The following LUZP2 variants were observed in gnomAD, a reference collection of about 807,000 sequenced individuals.
LUZP2 encodes the protein leucine zipper protein 2.
LUZP2 carries 52 observed loss-of-function variants against 51.6 expected under a neutral mutation model. The observed-to-expected ratio is 1.01, with a 90% confidence interval of 0.81 to 1.27. The LOEUF (loss-of-function observed/expected upper bound fraction) is 1.27. Among genes scored for constraint, LUZP2 ranks in the 50% most tolerant of loss-of-function variants. The probability of loss-of-function intolerance (pLI) is 0.00; values close to 1 mark genes in which losing one functional copy is unlikely to be tolerated. For synonymous variants in LUZP2, 154 were observed against 137.3 expected (o/e 1.12, Z -0.85); for missense variants, 436 against 395.4 (o/e 1.10, Z -0.87).
intron 9 of LUZP2, among the ~76,000 whole-genome samples, chr11:25,007,307 A>G (rs1369704485): frequency 1.3e-5 from 2 of 152,202 alleles, no homozygotes; most frequent in Non-Finnish European, 2.9e-5. Flanking sequence ...TAAAAGTTGT[A>G]AAACTATTAA....
rs1858739325 is a variant in LUZP2, at chr11:24,732,195, CTT to C, written c.251+10_251+11del. The C allele has an allele frequency of 6.9e-6, 11 of 1,593,432 alleles. No individual in the cohort carries two copies. The highest frequency in any genetic ancestry group is 9.4e-6 in the Non-Finnish European group (11 of 1,169,380). On this transcript the variant is annotated splice_region_variant and intron_variant, in intron 3 of 11. Transcript: ENST00000336930. The stretch of plus-strand genomic sequence containing the variant: ...AATTAGGACAGAAACAAAGGTAAGA[CTT>C]TTCTTTTTTTCTTAGTTATTTCTGC...
intron 4 of LUZP2, among the ~76,000 whole-genome samples, chr11:24,761,748 A>T (rs527509939): frequency 6.6e-6 from 1 of 152,340 alleles, no homozygotes; most frequent in East Asian, 1.9e-4. Context: ...CAAATTCACT[A>T]GCTACAATAA....
At chr11:24,930,452 G>T (rs993479899) in intron 7 of LUZP2, among the ~76,000 whole-genome samples, 11 of 152,066 alleles carry the variant, frequency 7.2e-5, no homozygotes, top group Non-Finnish European at 1.6e-4. Flanking sequence ...AGTATTGTTT[G>T]TCTGAAAAAG....
chr11:25,025,480 G>A (rs2133981125), intron 9 of LUZP2, among the ~76,000 whole-genome samples: 1 of 152,174 alleles, frequency 6.6e-6, no homozygotes, highest in South Asian at 2.1e-4. Flanking sequence ...CAACAATTGG[G>A]CAAAGGATAT....
intron 1 of LUZP2, among the ~76,000 whole-genome samples, chr11:24,657,789 CAG>C (rs1855861028): frequency 6.6e-6 from 1 of 152,118 alleles, no homozygotes; most frequent in South Asian, 2.1e-4. Context: ...CATTAACAAA[CAG>C]AGAGCCAAAT....
intron 4 of LUZP2, among the ~76,000 whole-genome samples, chr11:24,750,246 T>C (rs989375406): frequency 6.6e-6 from 1 of 152,188 alleles, no homozygotes; most frequent in African/African-American, 2.4e-5. Flanking sequence ...TCTTAAAGAC[T>C]CCACAGAGAT....
chr11:24,844,160 A>G (rs959965545), intron 5 of LUZP2, among the ~76,000 whole-genome samples: 4 of 152,092 alleles, frequency 2.6e-5, no homozygotes, highest in African/African-American at 4.8e-5. Context: ...CTCCATATAG[A>G]CTTGTTGAAT....
intron 1 of LUZP2, among the ~76,000 whole-genome samples, chr11:24,699,697 A>G (rs1398181395): frequency 1.3e-5 from 2 of 149,598 alleles, no homozygotes; most frequent in African/African-American, 4.9e-5. Flanking sequence ...AGACACACAC[A>G]CACACGCACA....
chr11:24,671,136 G>C (rs555938278), intron 1 of LUZP2, among the ~76,000 whole-genome samples: 2 of 151,596 alleles, frequency 1.3e-5, no homozygotes, highest in Non-Finnish European at 1.5e-5. Flanking sequence ...TATTAATTTA[G>C]GTTTGATAGA....
intron 5 of LUZP2, among the ~76,000 whole-genome samples, chr11:24,780,613 C>A (rs901753273): frequency 6.6e-6 from 1 of 152,144 alleles, no homozygotes; most frequent in Middle Eastern, 3.4e-3. Flanking sequence ...TGATGATGAT[C>A]GTAATAACAA....
At chr11:24,623,902 C>T (rs1466754044) in intron 1 of LUZP2, among the ~76,000 whole-genome samples, 1 of 152,126 alleles carries the variant, frequency 6.6e-6, no homozygotes, top group Admixed American at 6.6e-5. Context: ...ACTTGTTAAA[C>T]ATTTGCTGTC....
intron 7 of LUZP2, among the ~76,000 whole-genome samples, chr11:24,916,123 G>T (rs1255774227): frequency 6.6e-6 from 1 of 151,760 alleles, no homozygotes; most frequent in Non-Finnish European, 1.5e-5. Flanking sequence ...TGAATTAAGT[G>T]CCCTTATTAA....
chr11:24,862,449 A>G (rs566545026), intron 5 of LUZP2, among the ~76,000 whole-genome samples: 2 of 152,310 alleles, frequency 1.3e-5, no homozygotes, highest in African/African-American at 4.8e-5. Context: ...AAAACACACC[A>G]AAATACAAAG....
chr11:24,570,076 T>C (rs1283239563), intron 1 of LUZP2, among the ~76,000 whole-genome samples: 4 of 152,002 alleles, frequency 2.6e-5, no homozygotes, highest in Non-Finnish European at 5.9e-5. Context: ...GAGATGAACA[T>C]AACCTTTTTT....
chr11:24,817,708 A>G (rs1850227128), intron 5 of LUZP2, among the ~76,000 whole-genome samples: 1 of 148,720 alleles, frequency 6.7e-6, no homozygotes, highest in Non-Finnish European at 1.5e-5. Flanking sequence ...GTGGTTCAAG[A>G]TGCAGATTTG....
At chr11:24,848,140 T>TTGATATGATATGATATGATA (rs11269785) in intron 5 of LUZP2, among the ~76,000 whole-genome samples, 7,785 of 151,372 alleles carry the variant, frequency 0.051, 247 homozygotes, top group African/African-American at 0.07. Context: ...TAATATATGA[T>TTGATATGATATGATATGATA]TGATATGATA....
chr11:24,677,161 A>G (rs1039836331), intron 1 of LUZP2, among the ~76,000 whole-genome samples: 1 of 151,950 alleles, frequency 6.6e-6, no homozygotes, highest in Non-Finnish European at 1.5e-5. Context: ...GAAAATCTCC[A>G]CCTGTAGCTG....
intron 9 of LUZP2, among the ~76,000 whole-genome samples, chr11:25,001,234 A>T (rs1334107477): frequency 1.3e-5 from 2 of 152,186 alleles, no homozygotes; most frequent in African/African-American, 2.4e-5. Flanking sequence ...CTCCTTCCTG[A>T]TTCTGTAAGT....
At chr11:24,523,535 AAAT>A (rs779188508) in intron 1 of LUZP2, among the ~76,000 whole-genome samples, 4 of 150,500 alleles carry the variant, frequency 2.7e-5, no homozygotes, top group Non-Finnish European at 4.4e-5. Flanking sequence ...CTTAATTCAC[AAAT>A]AATAATCTAT....
Sources: allele counts gnomAD v4.1 joint callset (sites outside exome capture counted in the v4.1 genomes callset), GRCh38; gene constraint gnomAD v4.1.1; transcripts MANE v1.5; gene names NCBI Gene and HGNC (gene_info 2026-07-23, HGNC 2026-07-21).